The following ZNF701 variants were observed in gnomAD, a reference collection of about 807,000 sequenced individuals.
The protein encoded by ZNF701 is zinc finger protein 701.
ZNF701 carries 6 observed loss-of-function variants against 7.1 expected under a neutral mutation model. The ratio of observed to expected loss-of-function variants is 0.84; its 90% CI spans 0.46 to 1.66. ZNF701 has a LOEUF of 1.66. Ranked by LOEUF, ZNF701 falls within the 40% of genes most tolerant of loss-of-function variation. The pLI is 0.01. For synonymous variants in ZNF701, 166 were observed against 188.2 expected (o/e 0.88, Z 0.97); for missense variants, 541 against 559.2 (o/e 0.97, Z 0.33).
intron 1 of ZNF701, chr19:52,572,453 G>T: frequency 8.0e-7 from 1 of 1,243,872 alleles, no homozygotes; most frequent in Non-Finnish European, 1.0e-6. Flanking sequence ...TTGGGAATCA[G>T]TGGCATCAGA....
intron 3 of ZNF701, among the ~76,000 whole-genome samples, chr19:52,579,966 G>A (rs1303106083): frequency 7.0e-6 from 1 of 142,424 alleles, no homozygotes; most frequent in Non-Finnish European, 1.5e-5. Context: ...TTTTTAGATG[G>A]AGTCTCGCTC....
chr19:52,597,739 C>G, the ZNF701 span: 1 of 222,934 alleles, frequency 4.5e-6, no homozygotes, highest in Non-Finnish European at 9.0e-6. Context: ...GCCTGGAGGC[C>G]GGGCCAGAGG....
At chr19:52,581,946 CT>C (rs1208506457) in intron 3 of ZNF701, among the ~76,000 whole-genome samples, 10 of 152,114 alleles carry the variant, frequency 6.6e-5, no homozygotes, top group African/African-American at 2.2e-4. Flanking sequence ...ACACTCCTGA[CT>C]TTAGGCTTAC....
chr19:52,573,781 C>T (rs915033386), intron 1 of ZNF701, among the ~76,000 whole-genome samples: 9 of 151,842 alleles, frequency 5.9e-5, no homozygotes, highest in African/African-American at 1.7e-4. Context: ...CTTCCCAGAG[C>T]GGTGGGATGA....
At chr19:52,573,255 T>A (rs1185093800) in intron 1 of ZNF701, 1 of 153,382 alleles carries the variant, frequency 6.5e-6, no homozygotes, top group Non-Finnish European at 1.4e-5. Flanking sequence ...TGTATTTTAT[T>A]TTATTTTTGA....
At chr19:52,593,557 G>C in the ZNF701 span, among the ~76,000 whole-genome samples, 1 of 113,364 alleles carries the variant, frequency 8.8e-6, no homozygotes, top group Non-Finnish European at 1.9e-5. Flanking sequence ...ACCTCCCTCC[G>C]GGACGAGGTG....
chr19:52,571,984 A>C (rs1002598965), intron 1 of ZNF701, among the ~76,000 whole-genome samples: 17 of 151,396 alleles, frequency 1.1e-4, no homozygotes, highest in Non-Finnish European at 2.4e-4. Context: ...CCACCACACC[A>C]GGCTAATTTT....
chr19:52,573,452 C>T lies in ZNF701; in HGVS notation c.-71-625C>T, dbSNP rs1392084391. Among the ~76,000 whole-genome samples, 6 of 151,632 alleles carry T rather than the reference C, an allele frequency of 4.0e-5. No homozygotes were observed. The East Asian group carries it at 1.2e-3, about 29-fold the overall frequency. On this transcript the variant is annotated intron_variant, in intron 1 of 3. Coordinates refer to ENST00000391785, the MANE Select transcript of ZNF701 (RefSeq NM_018260.3). ...GGGTTTCACCATGTTGGCCAGGCTG[C>T]TGTTGAACTCCTGAACTTGAGTAAT...
downstream of ZNF701, among the ~76,000 whole-genome samples, chr19:52,588,042 C>G (rs2147003289): frequency 6.6e-6 from 1 of 152,292 alleles, no homozygotes; most frequent in East Asian, 1.9e-4. Context: ...AATCCAAAAA[C>G]AAGTCAAAAT....
chr19:52,594,697 G>A, the ZNF701 span, among the ~76,000 whole-genome samples: 2 of 151,924 alleles, frequency 1.3e-5, no homozygotes, highest in Non-Finnish European at 2.9e-5. Context: ...ATTTTTAATA[G>A]AGACAGGGTT....
chr19:52,574,200 C>T (rs1453547674), intron 2 of ZNF701, 38 bp downstream of exon 2: 4 of 1,602,286 alleles, frequency 2.5e-6, no homozygotes, highest in South Asian at 1.1e-5. Flanking sequence ...CTGTCTCCTT[C>T]CTTTCAGAAA....
At chr19:52,596,404 A>G in the ZNF701 span, 2 of 401,582 alleles carry the variant, frequency 5.0e-6, no homozygotes, top group Non-Finnish European at 5.0e-6. Context: ...AGAGTTGAGG[A>G]TCACAACTTG....
At chr19:52,575,603 C>T (rs1019174087) in intron 2 of ZNF701, 8 of 354,038 alleles carry the variant, frequency 2.3e-5, no homozygotes, top group Middle Eastern at 1.0e-3. Context: ...AAGGTCAAGC[C>T]GTCCTCCCAC....
rs1373100288 is a variant in ZNF701, at chr19:52,585,358, C to G, written c.*1901C>G. ...TGCCTGGTCCTGGGATCCTGCAGAC[C>G]CCACCCCTGTCCGAAGGCGCCATCG... is the stretch of plus-strand genomic sequence containing the variant. On this transcript the variant is annotated 3_prime_UTR_variant, in exon 4 of 4. Transcript: ENST00000391785. 6.6e-6 allele frequency: 1 copy of G among 152,354 alleles called. No individual in the cohort carries two copies. The highest frequency in any genetic ancestry group is 1.5e-5 in the Non-Finnish European group (1 of 68,246). 9.4% of individuals were successfully genotyped at this position (152,354 alleles called of 1,614,324 possible).
intron 1 of ZNF701, among the ~76,000 whole-genome samples, chr19:52,571,990 A>ATTT (rs2059903905): frequency 6.6e-6 from 1 of 151,050 alleles, no homozygotes. Context: ...CACCAGGCTA[A>ATTT]TTTTGTATTT....
the ZNF701 span, chr19:52,597,031 T>A: frequency 8.1e-7 from 1 of 1,235,872 alleles, no homozygotes; most frequent in Non-Finnish European, 1.2e-6. Context: ...CACAAAGTCT[T>A]CAGTAATGCT....
chr19:52,574,674 G>C (rs896197376), intron 2 of ZNF701, among the ~76,000 whole-genome samples: 4 of 152,064 alleles, frequency 2.6e-5, no homozygotes, highest in Admixed American at 6.6e-5. Flanking sequence ...TAATTAGAAT[G>C]GAAAGTTCAT....
rs557413893 is a variant in ZNF701 at position 52,581,339 on chromosome 19, C to A, written c.143-863C>A. On this transcript the variant is annotated intron_variant, in intron 3 of 3. Coordinates refer to ENST00000391785, the MANE Select transcript of ZNF701 (RefSeq NM_018260.3). ...GGTTCAAGCAATTCTCCTTCCTTAGCCTCCCAAGTAGCTTGGATTACAGGT... is the reference window on the plus strand; with the variant it reads ...GGTTCAAGCAATTCTCCTTCCTTAGACTCCCAAGTAGCTTGGATTACAGGT... 1.1e-3 allele frequency among the ~76,000 whole-genome samples: 174 copies of A among 152,198 alleles called. 2 individuals carry two copies. Among genetic ancestry groups the A allele is most frequent in the Middle Eastern group, 6.8e-3 (2 of 292 alleles).
At chr19:52,574,912 A>C (rs1037621006) in intron 2 of ZNF701, among the ~76,000 whole-genome samples, 21 of 152,138 alleles carry the variant, frequency 1.4e-4, no homozygotes, top group Non-Finnish European at 1.5e-4. Flanking sequence ...ATCCTTTTCC[A>C]CCAAGATGAG....
Sources: gnomAD v4.1 joint callset for allele counts (sites outside exome capture counted in the v4.1 genomes callset) on GRCh38, gnomAD v4.1.1 for gene constraint, MANE v1.5 for transcripts, NCBI Gene and HGNC (gene_info 2026-07-23, HGNC 2026-07-21) for gene names.